BMPR2: variants seen among roughly 807,000 people sequenced by gnomAD.
The protein encoded by BMPR2 is bone morphogenetic protein receptor type 2, also known as bone morphogenetic protein receptor type-2.
Under a neutral mutation model 100.8 loss-of-function variants are expected in BMPR2, and 29 were observed. The observed-to-expected ratio is 0.29, with a 90% CI of 0.21 to 0.39. BMPR2 has a LOEUF of 0.39. BMPR2 is among the 10% of genes least tolerant of loss of function. The probability of loss-of-function intolerance (pLI) is 1.00; values close to 1 mark genes in which losing one functional copy is unlikely to be tolerated. For missense variants in BMPR2, 1,011 were observed against 1,274.5 expected (o/e 0.79, Z 3.15); for synonymous variants, 382 against 442.3 (o/e 0.86, Z 1.71).
intron 1 of BMPR2, among the ~76,000 whole-genome samples, chr2:202,430,863 A>G (rs1691488767): frequency 6.7e-6 from 1 of 149,660 alleles, no homozygotes; most frequent in Non-Finnish European, 1.5e-5. Context: ...GGAGGCTGAG[A>G]CAGGAGAATT....
At chr2:202,396,306 A>G (rs528680431) in intron 1 of BMPR2, among the ~76,000 whole-genome samples, 1 of 152,296 alleles carries the variant, frequency 6.6e-6, no homozygotes, top group South Asian at 2.1e-4. Flanking sequence ...ACCTTATTTA[A>G]TATTGGCTCA....
At chr2:202,385,147 C>G (rs927042356) in intron 1 of BMPR2, among the ~76,000 whole-genome samples, 1 of 151,752 alleles carries the variant, frequency 6.6e-6, no homozygotes, top group African/African-American at 2.4e-5. Flanking sequence ...TTAAGACTTT[C>G]TATTATTATT....
chr2:202,422,932 C>T (rs2105925386), intron 1 of BMPR2, among the ~76,000 whole-genome samples: 1 of 152,316 alleles, frequency 6.6e-6, no homozygotes, highest in East Asian at 1.9e-4. Flanking sequence ...CCTGCCTCAG[C>T]CTCCCAAAGT....
At position 202,464,794 on chromosome 2, in the gene BMPR2, T is replaced by C; in HGVS notation, c.77-15T>C. ...CATTAAATAATTTGTCATTCCTTTA[T>C]TTCCTTTATTTTAGCTTCGCAGAAT... is the stretch of plus-strand genomic sequence containing the variant. On this transcript the variant is annotated splice_polypyrimidine_tract_variant and intron_variant, in intron 1 of 12. Transcript: ENST00000374580. 1.2e-6 allele frequency: 2 copies of C among 1,605,016 alleles called. No individual in the cohort carries two copies. Among genetic ancestry groups the C allele is most frequent in the African/African-American group, 1.3e-5 (1 of 74,666 alleles).
At chr2:202,514,017 C>T (rs1239307792) in intron 4 of BMPR2, among the ~76,000 whole-genome samples, 188 bp downstream of exon 4, 1 of 151,872 alleles carries the variant, frequency 6.6e-6, no homozygotes, top group Non-Finnish European at 1.5e-5. Flanking sequence ...CCTTTCCATG[C>T]CACTGGATTA....
In BMPR2 at chr2:202,434,418, T is replaced by A. The variant is rs541730344; in HGVS notation, c.77-30391T>A. Among the ~76,000 whole-genome samples the A allele has an allele frequency of 1.1e-4, 16 of 150,524 alleles. No individual in the cohort carries two copies. In the East Asian group the frequency reaches 3.1e-3, roughly 29 times the overall value. On this transcript the variant is annotated intron_variant, in intron 1 of 12. Coordinates refer to ENST00000374580, the MANE Select transcript of BMPR2 (RefSeq NM_001204.7). Reference sequence around the variant, plus strand: ...TGGAGGGCCAAAGAATGATAACATCTGCTTATTATGAGAATGTTTTGAGAA... The same window carrying A: ...TGGAGGGCCAAAGAATGATAACATCAGCTTATTATGAGAATGTTTTGAGAA...
chr2:202,407,292 T>C (rs991425079), intron 1 of BMPR2, among the ~76,000 whole-genome samples: 4 of 151,992 alleles, frequency 2.6e-5, no homozygotes, highest in Non-Finnish European at 5.9e-5. Context: ...TTGCTCAGGC[T>C]GGTCTTAAAC....
intron 2 of BMPR2, among the ~76,000 whole-genome samples, chr2:202,465,911 C>T (rs992032364): frequency 6.6e-6 from 1 of 152,184 alleles, no homozygotes; most frequent in South Asian, 2.1e-4. Flanking sequence ...TTTTCTCCAC[C>T]TTAATTATAA....
intron 1 of BMPR2, among the ~76,000 whole-genome samples, chr2:202,454,699 T>G (rs1692056390): frequency 6.6e-6 from 1 of 152,218 alleles, no homozygotes; most frequent in Non-Finnish European, 1.5e-5. Flanking sequence ...AAAACATGAT[T>G]ACAATTTGAC....
intron 10 of BMPR2, among the ~76,000 whole-genome samples, chr2:202,543,318 AGTAAGTT>A (rs1279943572): frequency 6.7e-6 from 1 of 149,706 alleles, no homozygotes; most frequent in Non-Finnish European, 1.5e-5. Flanking sequence ...CTGCCATTTG[AGTAAGTT>A]GTTGTTACAA....
chr2:202,444,783 A>C (rs1691818113), intron 1 of BMPR2, among the ~76,000 whole-genome samples: 1 of 150,732 alleles, frequency 6.6e-6, no homozygotes, highest in Admixed American at 6.6e-5. Context: ...TCAGTGAATT[A>C]GAAACTTATT....
At position 202,456,920 on chromosome 2, in the gene BMPR2, G is replaced by T. The variant is rs1196063887; in HGVS notation, c.77-7889G>T. 2.0e-5 allele frequency among the ~76,000 whole-genome samples: 3 copies of T among 152,130 alleles called. No homozygotes were observed. In the East Asian group the frequency reaches 5.8e-4, roughly 29 times the overall value. On this transcript the variant is annotated intron_variant, in intron 1 of 12. Transcript: ENST00000374580. ...ACAGTATACATGGCTTCATATGTGGGTGTCTCTTAGAAGACACACAATAGT... is the reference window on the plus strand; with the variant it reads ...ACAGTATACATGGCTTCATATGTGGTTGTCTCTTAGAAGACACACAATAGT...
intron 1 of BMPR2, among the ~76,000 whole-genome samples, chr2:202,442,290 A>AG (rs1481179782): frequency 6.6e-6 from 1 of 150,504 alleles, no homozygotes; most frequent in African/African-American, 2.5e-5. Flanking sequence ...TCCCAGCTGT[A>AG]GGTAAGTACT....
chr2:202,498,812 A>T (rs1693099039), intron 3 of BMPR2, among the ~76,000 whole-genome samples: 3 of 152,148 alleles, frequency 2.0e-5, no homozygotes, highest in African/African-American at 7.2e-5. Flanking sequence ...AAATTACAAT[A>T]CTATCCTGCA....
In BMPR2 at chr2:202,559,905, A is replaced by G. The variant is rs374025483; in HGVS notation, c.3076A>G (p.Thr1026Ala). Residue 1026 changes from threonine (T) to alanine (A), a missense_variant, in exon 13 of 13, where the codon ACA becomes GCA. Coordinates refer to ENST00000374580, the MANE Select transcript of BMPR2 (RefSeq NM_001204.7). Reference sequence around the variant, plus strand: ...TTACCTTGCAGAAGGAGGCACTGCTACAACCATGGTGTCTAAAGATATAGG... The same window carrying G: ...TTACCTTGCAGAAGGAGGCACTGCTGCAACCATGGTGTCTAAAGATATAGG... The part of the protein sequence containing the change: ...AVYLAEGGTA[T>A]TMVSKDIGMN... 1.1e-5 allele frequency: 18 copies of G among 1,614,194 alleles called. No homozygotes were observed. Among genetic ancestry groups the G allele is most frequent in the Non-Finnish European group, 1.5e-5 (18 of 1,180,026 alleles).
chr2:202,467,473 T>G, intron 2 of BMPR2, 46 bp from the exon 3 acceptor site: 1 of 1,493,110 alleles, frequency 6.7e-7, no homozygotes, highest in Non-Finnish European at 9.3e-7. Flanking sequence ...TCTCTTAGTT[T>G]TCTTTATCAT....
In BMPR2 at chr2:202,377,413, C is replaced by T; in HGVS notation, c.-62C>T. 6 of 1,528,162 alleles carry T rather than the reference C, an allele frequency of 3.9e-6. No individual in the cohort carries two copies. The South Asian group carries it at 4.5e-5, about 11-fold the overall frequency. The allele number at this position is 1,528,162 out of a possible 1,614,324, so 94.7% of individuals were successfully genotyped here. A position where few individuals can be genotyped will look rare whatever the true frequency, so the allele number is the denominator to read the frequency against. ...GAGAAGACGAGCCTCCCGGCTGTTT[C>T]TCCGCCGGTCTACTTCCCATATTTC... On this transcript the variant is annotated 5_prime_UTR_variant, in exon 1 of 13. Coordinates refer to ENST00000374580, the MANE Select transcript of BMPR2 (RefSeq NM_001204.7).
rs973851913 is a variant in BMPR2 at position 202,377,323 on chromosome 2, G to A, written c.-152G>A. On this transcript the variant is annotated 5_prime_UTR_variant, in exon 1 of 13. Transcript: ENST00000374580. The stretch of plus-strand genomic sequence containing the variant: ...AGCGGCATGAAAGCTCTGCAGCTAG[G>A]TCCTCTCATCAGCCATTTGTCCTTT... 1 of 763,490 alleles carries A rather than the reference G, an allele frequency of 1.3e-6. No homozygotes were observed. The highest frequency in any genetic ancestry group is 2.4e-6 in the Non-Finnish European group (1 of 422,796). The allele number at this position is 763,490 out of a possible 1,614,324, so 47.3% of individuals were successfully genotyped here. A position where few individuals can be genotyped will look rare whatever the true frequency, so the allele number is the denominator to read the frequency against.
At chr2:202,434,894 AAAAAAAAAAAAAAAAT>A (rs1691576505) in intron 1 of BMPR2, among the ~76,000 whole-genome samples, 1 of 64,382 alleles carries the variant, frequency 1.6e-5, no homozygotes, top group Non-Finnish European at 2.8e-5. Context: ...AAAAAAAAAA[AAAAAAAAAAAAAAAAT>A]ATATATATAT....
Sources: allele counts gnomAD v4.1 joint callset (sites outside exome capture counted in the v4.1 genomes callset), GRCh38; gene constraint gnomAD v4.1.1; transcripts MANE v1.5; gene names NCBI Gene and HGNC (gene_info 2026-07-23, HGNC 2026-07-21).